CCDC175: variants seen among roughly 807,000 people sequenced by gnomAD.
CCDC175 encodes coiled-coil domain-containing protein 175.
Under a neutral mutation model 114.6 loss-of-function variants are expected in CCDC175, and 100 were observed. The observed-to-expected ratio is 0.87, with a 90% CI of 0.74 to 1.03. The LOEUF (loss-of-function observed/expected upper bound fraction) is 1.03, where lower values mean the gene tolerates loss of function less well. Ranked by LOEUF, CCDC175 falls within the 50% of genes least tolerant of loss-of-function variation. CCDC175 has a pLI of 0.00. For synonymous variants in CCDC175, 306 were observed against 308.7 expected (o/e 0.99, Z 0.09); for missense variants, 880 against 917.8 (o/e 0.96, Z 0.53).
intron 9 of CCDC175, among the ~76,000 whole-genome samples, chr14:59,544,318 C>T (rs1894972929): frequency 1.3e-5 from 2 of 152,098 alleles, no homozygotes; most frequent in Non-Finnish European, 1.5e-5. Flanking sequence ...AAGCACCCGC[C>T]ACCATGCCCA....
chr14:59,543,488 T>C (rs1014676752), intron 9 of CCDC175, 34 bp from the exon 10 acceptor site: 1 of 833,100 alleles, frequency 1.2e-6, no homozygotes, highest in South Asian at 2.1e-5. Context: ...TGTTGAAGGC[T>C]GACATAAATA....
At position 59,510,729 on chromosome 14, in the gene CCDC175, A is replaced by C. The variant is rs1346192989; in HGVS notation, c.2222T>G (p.Met741Arg). 33 of 1,537,138 alleles carry C rather than the reference A, an allele frequency of 2.1e-5. No homozygotes were observed. The highest frequency in any genetic ancestry group is 2.6e-5 in the Non-Finnish European group (30 of 1,146,884). Reference sequence around the variant, plus strand: ...TCGTAGCCATGTACTGACATGCTGCATTTTTTCATCTCTTTCACGCAGCTT... The same window carrying C: ...TCGTAGCCATGTACTGACATGCTGCCTTTTTTCATCTCTTTCACGCAGCTT... ...TDKLRERDEK[M>R]QHVSTWLRGS... Residue 741 changes from methionine to arginine, a missense_variant, in exon 19 of 20, where the codon ATG becomes AGG. By Grantham distance (91) the Met-to-Arg change is moderately conservative. Coordinates refer to ENST00000537690, the MANE Select transcript of CCDC175 (RefSeq NM_001164399.2).
intron 14 of CCDC175, among the ~76,000 whole-genome samples, chr14:59,528,639 G>T (rs1893887755): frequency 6.6e-6 from 1 of 151,970 alleles, no homozygotes; most frequent in African/African-American, 2.4e-5. Flanking sequence ...TAACTCTTTA[G>T]ATCATTATAA....
intron 14 of CCDC175, among the ~76,000 whole-genome samples, chr14:59,527,577 G>C (rs372727807): frequency 7.0e-4 from 106 of 152,132 alleles, no homozygotes; most frequent in Middle Eastern, 3.4e-3. Flanking sequence ...ATGGCAATAA[G>C]GATTATCCCC....
chr14:59,530,602 A>G (rs541715182), intron 14 of CCDC175, among the ~76,000 whole-genome samples: 2 of 152,252 alleles, frequency 1.3e-5, no homozygotes, highest in East Asian at 3.9e-4. Flanking sequence ...AAAGTGGAAA[A>G]TCATCTGAGG....
At chr14:59,531,649 G>A in intron 14 of CCDC175, 123 bp downstream of exon 14, 1 of 630,128 alleles carries the variant, frequency 1.6e-6, no homozygotes, top group Admixed American at 3.7e-5. Flanking sequence ...GAGGGCTAAA[G>A]GTAATGGGGA....
Position 59,528,817 on chromosome 14 carries a change from A to G in CCDC175, c.1763-1643T>C, listed in dbSNP as rs78942669. Among the ~76,000 whole-genome samples, 1,095 of 152,018 alleles carry G rather than the reference A, an allele frequency of 7.2e-3. 11 individuals are homozygous for G. The highest frequency in any genetic ancestry group is 0.025 in the African/African-American group (1,023 of 41,444). Reference sequence around the variant, plus strand: ...TCTTAACTTTTCTTATAATTTTCCTATTGAATTTTAACATTTGTTATTATA... The same window carrying G: ...TCTTAACTTTTCTTATAATTTTCCTGTTGAATTTTAACATTTGTTATTATA... On this transcript the variant is annotated intron_variant, in intron 14 of 19. Transcript: ENST00000537690.
rs1242062588 is a variant in CCDC175, at chr14:59,529,269, A to AG, written c.1763-2096dup. 3.3e-5 allele frequency among the ~76,000 whole-genome samples: 5 copies of AG among 152,194 alleles called. No homozygotes were observed. In the East Asian group the frequency reaches 9.6e-4, roughly 29 times the overall value. ...GCAGCATTCAGCAAACTGAGCTCAG[A>AG]GGGGATCTCAGTGGGGATCTCAGTA... On this transcript the variant is annotated intron_variant, in intron 14 of 19. Coordinates refer to ENST00000537690, the MANE Select transcript of CCDC175 (RefSeq NM_001164399.2).
intron 19 of CCDC175, 86 bp from the exon 20 acceptor site, chr14:59,505,401 G>T: frequency 1.5e-6 from 1 of 654,096 alleles, no homozygotes; most frequent in Non-Finnish European, 2.4e-6. Flanking sequence ...ATTCTGAGTT[G>T]CCCAAAGAAT....
chr14:59,540,685 T>C lies in CCDC175; in HGVS notation c.1345A>G (p.Ser449Gly). 1 of 1,331,350 alleles carries C rather than the reference T, an allele frequency of 7.5e-7. No individual in the cohort carries two copies. The highest frequency in any genetic ancestry group is 2.7e-5 in the East Asian group (1 of 37,174). 82.5% of individuals were successfully genotyped at this position (1,331,350 alleles called of 1,614,324 possible). The change falls in exon 11 of 20, where the codon AGT becomes GGT. Residue 449 changes from serine to glycine, a missense_variant. Coordinates refer to ENST00000537690, the MANE Select transcript of CCDC175 (RefSeq NM_001164399.2). Reference sequence around the variant, plus strand: ...TTTTTTTTTTTTTACCATCTCTGACTTTCTCTTTCCAGGTTAGCACTCAGG... The same window carrying C: ...TTTTTTTTTTTTTACCATCTCTGACCTTCTCTTTCCAGGTTAGCACTCAGG... ...KILSANLERESQRCVITQWKM... is the reference protein window; with the variant it reads ...KILSANLEREGQRCVITQWKM...
chr14:59,505,737 C>T (rs1276697505), intron 19 of CCDC175, among the ~76,000 whole-genome samples: 4 of 152,094 alleles, frequency 2.6e-5, no homozygotes, highest in Non-Finnish European at 4.4e-5. Context: ...TAAAAATCAA[C>T]CCTTGTCTTT....
chr14:59,543,570 T>C (rs1894919161), intron 9 of CCDC175, 116 bp from the exon 10 acceptor site: 1 of 420,510 alleles, frequency 2.4e-6, no homozygotes, highest in Admixed American at 4.3e-5. Context: ...ACATAAATTA[T>C]TAAAAAATAG....
chr14:59,538,270 T>C (rs527346339), intron 12 of CCDC175, 116 bp from the exon 13 acceptor site: 23 of 861,464 alleles, frequency 2.7e-5, no homozygotes, highest in Admixed American at 3.3e-5. Flanking sequence ...TTTCAGTTCA[T>C]ATAATTTCTC....
intron 7 of CCDC175, among the ~76,000 whole-genome samples, chr14:59,552,860 G>C (rs1336853903): frequency 1.7e-5 from 2 of 114,950 alleles, no homozygotes; most frequent in Admixed American, 8.8e-5. Flanking sequence ...GGAAGAAAGG[G>C]TATCAGTGAT....
intron 19 of CCDC175, 81 bp from the exon 20 acceptor site, chr14:59,505,396 G>A (rs1892286496): frequency 1.4e-6 from 1 of 709,484 alleles, no homozygotes; most frequent in East Asian, 2.8e-5. Context: ...TTAAAATTCT[G>A]AGTTGCCCAA....
At position 59,555,275 on chromosome 14, in the gene CCDC175, T is replaced by A. The variant is rs564255794; in HGVS notation, c.954-3839A>T. 3.9e-4 allele frequency among the ~76,000 whole-genome samples: 59 copies of A among 152,214 alleles called. 2 individuals are homozygous for A. In the South Asian group the frequency reaches 9.4e-3, roughly 24 times the overall value. ...AAAAAGCTATTCCACCATGATCAAG[T>A]GGGCTTCATCCCTGGGATTCAAGGC... is the stretch of plus-strand genomic sequence containing the variant. On this transcript the variant is annotated intron_variant, in intron 7 of 19. Transcript: ENST00000537690.
At chr14:59,531,123 T>TAA (rs34343088) in intron 14 of CCDC175, among the ~76,000 whole-genome samples, 41 of 147,340 alleles carry the variant, frequency 2.8e-4, no homozygotes, top group East Asian at 1.4e-3. Flanking sequence ...TGGTTTTGTT[T>TAA]AAAAAAAAAA....
At chr14:59,574,589 GTGTT>G (rs1464580785) in intron 2 of CCDC175, among the ~76,000 whole-genome samples, 1 of 152,200 alleles carries the variant, frequency 6.6e-6, no homozygotes, top group Non-Finnish European at 1.5e-5. Flanking sequence ...CAGAGATTGT[GTGTT>G]TGTTTGTTTT....
At chr14:59,515,507 G>A (rs975001682) in intron 17 of CCDC175, among the ~76,000 whole-genome samples, 2 of 151,992 alleles carry the variant, frequency 1.3e-5, no homozygotes, top group Non-Finnish European at 2.9e-5. Flanking sequence ...AAAAGGCAGG[G>A]GTTGCAATCC....
Sources: gnomAD v4.1 joint callset for allele counts (sites outside exome capture counted in the v4.1 genomes callset) on GRCh38, gnomAD v4.1.1 for gene constraint, MANE v1.5 for transcripts, NCBI Gene and HGNC (gene_info 2026-07-23, HGNC 2026-07-21) for gene names.